The following CD44 variants were observed in gnomAD, a reference collection of about 807,000 sequenced individuals.
CD44 encodes CD44 molecule (IN blood group).
A neutral mutation model predicts 88.8 loss-of-function variants in CD44; 49 were observed. The observed-to-expected ratio is 0.55, with a 90% CI of 0.44 to 0.70. CD44 has a LOEUF of 0.70. CD44 is among the 30% of genes least tolerant of loss of function. The pLI, the probability that CD44 is intolerant of heterozygous loss-of-function variation, is 0.00. For synonymous variants in CD44, 325 were observed against 312.3 expected (o/e 1.04, Z -0.43); for missense variants, 883 against 913.8 (o/e 0.97, Z 0.43).
At chr11:35,217,636 T>C (rs1948946136) in intron 15 of CD44, among the ~76,000 whole-genome samples, 1 of 152,200 alleles carries the variant, frequency 6.6e-6, no homozygotes, top group African/African-American at 2.4e-5. Flanking sequence ...AAGCATCAAA[T>C]TGCATAAACA....
In CD44 at chr11:35,208,040, C is replaced by A. The variant is rs940198539; in HGVS notation, c.1415-65C>A. 10 of 969,662 alleles carry A rather than the reference C, an allele frequency of 1.0e-5. No individual in the cohort carries two copies. The East Asian group carries it at 2.2e-4, about 21-fold the overall frequency. 60.1% of individuals were successfully genotyped at this position (969,662 alleles called of 1,614,324 possible). A position where few individuals can be genotyped will look rare whatever the true frequency, so the allele number is the denominator to read the frequency against. On this transcript the variant is annotated intron_variant, in intron 11 of 17. Transcript: ENST00000428726. The stretch of plus-strand genomic sequence containing the variant: ...AATATTTAAAAAAATCAGCTGTAGA[C>A]CATAAGCCACCTTCAGGTAGTGGTT...
In CD44 at chr11:35,189,835, C is replaced by T; in HGVS notation, c.437C>T (p.Thr146Ile). 1 of 1,606,230 alleles carries T rather than the reference C, an allele frequency of 6.2e-7. No individual in the cohort carries two copies. The highest frequency in any genetic ancestry group is 2.2e-5 in the East Asian group (1 of 44,808). The change falls in exon 5 of 18, where the codon ACT becomes ATT. Residue 146 changes from threonine to isoleucine, a missense_variant and splice_region_variant. Coordinates refer to ENST00000428726, the MANE Select transcript of CD44 (RefSeq NM_000610.4). ...TGTAAGTACCTTTTCTCTCTCCCAGCTATTGTTAACCGTGATGGCACCCGC... is the reference window on the plus strand; with the variant it reads ...TGTAAGTACCTTTTCTCTCTCCCAGTTATTGTTAACCGTGATGGCACCCGC... ...PNAFDGPITI[T>I]IVNRDGTRYV... is the part of the protein sequence containing the mutation.
intron 11 of CD44, among the ~76,000 whole-genome samples, chr11:35,207,370 T>G (rs1343086440): frequency 6.6e-6 from 1 of 152,202 alleles, no homozygotes; most frequent in Non-Finnish European, 1.5e-5. Context: ...GAAATATCGA[T>G]GGGGTTTATG....
intron 15 of CD44, among the ~76,000 whole-genome samples, chr11:35,215,729 G>A (rs11033027): frequency 0.068 from 10,258 of 151,516 alleles, 427 homozygotes; most frequent in East Asian, 0.13. Flanking sequence ...AAAATTAGCC[G>A]GGCGTGGTCC....
rs746316721 is a variant in CD44, at chr11:35,209,966, G to A, written c.1518G>A (p.Gln506=). Residue 506 remains glutamine (Q), a splice_region_variant and synonymous_variant, in exon 13 of 18, where the codon CAG becomes CAA. Transcript: ENST00000428726. ...TGGATTCATTCCTCATTGAAACAGAGCAGAGTAATTCTCAGAGCTTCTCTA... is the reference window on the plus strand; with the variant it reads ...TGGATTCATTCCTCATTGAAACAGAACAGAGTAATTCTCAGAGCTTCTCTA... The part of the protein sequence containing the change: ...DRTGPLSMTT[Q]QSNSQSFSTS... The A allele has an allele frequency of 6.4e-7, 1 of 1,567,710 alleles. No homozygotes were observed. Among genetic ancestry groups the A allele is most frequent in the Admixed American group, 1.9e-5 (1 of 52,644 alleles).
chr11:35,190,897 C>T (rs118189425), intron 5 of CD44, among the ~76,000 whole-genome samples: 3,573 of 152,238 alleles, frequency 0.023, 47 homozygotes, highest in Non-Finnish European at 0.028. Flanking sequence ...GTAAACATTG[C>T]GTTCCATTCC....
intron 4 of CD44, among the ~76,000 whole-genome samples, chr11:35,188,455 T>A (rs1945916165): frequency 6.6e-6 from 1 of 152,206 alleles, no homozygotes; most frequent in African/African-American, 2.4e-5. Context: ...AAAGACACTA[T>A]GTCTAATGTA....
At chr11:35,176,338 G>A (rs188539604) in intron 1 of CD44, among the ~76,000 whole-genome samples, 1 of 151,768 alleles carries the variant, frequency 6.6e-6, no homozygotes, top group African/African-American at 2.4e-5. Flanking sequence ...CACCGCGCCC[G>A]GCCTAATTTT....
chr11:35,183,110 G>C (rs1424531886), intron 3 of CD44, among the ~76,000 whole-genome samples: 1 of 152,092 alleles, frequency 6.6e-6, no homozygotes, highest in African/African-American at 2.4e-5. Flanking sequence ...TTACTAAAAT[G>C]GATGAATTAA....
At chr11:35,172,159 C>A (rs1943981757) in intron 1 of CD44, among the ~76,000 whole-genome samples, 1 of 152,194 alleles carries the variant, frequency 6.6e-6, no homozygotes. Flanking sequence ...ACTGGTCCAC[C>A]TGCTTTGACT....
intron 1 of CD44, among the ~76,000 whole-genome samples, chr11:35,150,079 T>C (rs953141255): frequency 1.3e-5 from 2 of 152,188 alleles, no homozygotes; most frequent in Non-Finnish European, 1.5e-5. Context: ...TTAAAAACAT[T>C]GCTTCACATG....
At chr11:35,155,247 T>A (rs575886533) in intron 1 of CD44, among the ~76,000 whole-genome samples, 1 of 152,258 alleles carries the variant, frequency 6.6e-6, no homozygotes, top group Admixed American at 6.5e-5. Context: ...GGATTTGAGG[T>A]CTCACCTGTC....
At position 35,201,743 on chromosome 11, in the gene CD44, A is replaced by G; in HGVS notation, c.1109A>G (p.His370Arg). Residue 370 changes from histidine (H) to arginine (R), a missense_variant, in exon 9 of 18, where the codon CAT (histidine) becomes CGT (arginine). His to Arg is a conservative substitution (Grantham distance 29). Coordinates refer to ENST00000428726, the MANE Select transcript of CD44 (RefSeq NM_000610.4). The part of the protein sequence containing the change: ...NPEAHPPLIH[H>R]EHHEEEETPH... ...GAAGCACACCCTCCCCTCATTCACC[A>G]TGAGCATCATGAGGAAGAAGAGACC... The G allele has an allele frequency of 6.2e-7, 1 of 1,613,726 alleles. No individual in the cohort carries two copies. Among genetic ancestry groups the G allele is most frequent in the Non-Finnish European group, 8.5e-7 (1 of 1,179,650 alleles).
intron 1 of CD44, among the ~76,000 whole-genome samples, chr11:35,150,399 T>A (rs1860083107): frequency 6.6e-6 from 1 of 152,084 alleles, no homozygotes; most frequent in Non-Finnish European, 1.5e-5. Flanking sequence ...CTGAGAGTCC[T>A]CCAGACCCCC....
At chr11:35,201,870 T>C in intron 9 of CD44, 83 bp downstream of exon 9, 1 of 1,414,760 alleles carries the variant, frequency 7.1e-7, no homozygotes, top group Admixed American at 1.9e-5. Context: ...TGTTTAGAAA[T>C]TGGCCGCATC....
chr11:35,201,517 A>G (rs894429055), intron 8 of CD44, 154 bp from the exon 9 acceptor site: 28 of 785,678 alleles, frequency 3.6e-5, no homozygotes, highest in Admixed American at 2.9e-5. Flanking sequence ...CTTGAGACCA[A>G]TTAGGTAAAG....
intron 17 of CD44, among the ~76,000 whole-genome samples, chr11:35,223,751 C>T (rs146525549): frequency 3.9e-4 from 60 of 152,294 alleles, no homozygotes; most frequent in African/African-American, 9.4e-4. Flanking sequence ...AACAGCTGTA[C>T]GGGCCCCTTA....
At chr11:35,199,548 G>A (rs1353984802) in intron 7 of CD44, among the ~76,000 whole-genome samples, 6 of 151,524 alleles carry the variant, frequency 4.0e-5, no homozygotes, top group Admixed American at 6.6e-5. Context: ...AGAAGAAAGG[G>A]TCCAGAAAAA....
rs1947667712 is a variant in CD44 at position 35,204,770 on chromosome 11, G to C, written c.1282+130G>C. 3 of 836,536 alleles carry C rather than the reference G, an allele frequency of 3.6e-6. No homozygotes were observed. In the African/African-American group the frequency reaches 5.2e-5, roughly 14 times the overall value. The allele number at this position is 836,536 out of a possible 1,614,324, so 51.8% of individuals were successfully genotyped here. Reference sequence around the variant, plus strand: ...GATGTTAGGTTACTTAATAAATTATGCTGCAGTTCACACAGAGCCAAACCT... The same window carrying C: ...GATGTTAGGTTACTTAATAAATTATCCTGCAGTTCACACAGAGCCAAACCT... On this transcript the variant is annotated intron_variant, in intron 10 of 17. Coordinates refer to ENST00000428726, the MANE Select transcript of CD44 (RefSeq NM_000610.4).
Sources: allele counts gnomAD v4.1 joint callset (sites outside exome capture counted in the v4.1 genomes callset), GRCh38; gene constraint gnomAD v4.1.1; transcripts MANE v1.5; gene names NCBI Gene and HGNC (gene_info 2026-07-23, HGNC 2026-07-21).